Variants in GABRB2 observed in about 807,000 individuals in gnomAD.
GABRB2 encodes the protein gamma-aminobutyric acid type A receptor subunit beta2.
GABRB2 carries 16 observed loss-of-function variants against 54.7 expected under a neutral mutation model. The observed-to-expected ratio is 0.29, with a 90% CI of 0.20 to 0.44. GABRB2 has a LOEUF of 0.44. Ranked by LOEUF, GABRB2 falls within the 20% of genes least tolerant of loss-of-function variation. The pLI, the probability that GABRB2 is intolerant of heterozygous loss-of-function variation, is 1.00. For synonymous variants in GABRB2, 244 were observed against 233.8 expected, an observed-to-expected ratio of 1.04 and a Z score of -0.40; for missense variants, 355 against 644.0, an observed-to-expected ratio of 0.55 and a Z score of 4.86.
intron 3 of GABRB2, among the ~76,000 whole-genome samples, chr5:161,460,166 G>A (rs1216769212): frequency 6.6e-6 from 1 of 152,032 alleles, no homozygotes; most frequent in East Asian, 1.9e-4. Flanking sequence ...GGCTGGTCTC[G>A]AACTATTGAC....
At chr5:161,456,613 C>T (rs1225213421) in intron 4 of GABRB2, among the ~76,000 whole-genome samples, 1 of 152,106 alleles carries the variant, frequency 6.6e-6, no homozygotes, top group African/African-American at 2.4e-5. Flanking sequence ...ATTTTGTCAG[C>T]AAGTTCCCTC....
chr5:161,419,254 A>G (rs1023377629), intron 4 of GABRB2, among the ~76,000 whole-genome samples: 2 of 152,254 alleles, frequency 1.3e-5, no homozygotes, highest in African/African-American at 2.4e-5. Flanking sequence ...TAAAACCATA[A>G]TAAGATACCA....
At chr5:161,529,462 C>T (rs1478254355) in intron 3 of GABRB2, among the ~76,000 whole-genome samples, 3 of 151,956 alleles carry the variant, frequency 2.0e-5, no homozygotes, top group African/African-American at 7.2e-5. Context: ...GCCCAAATCC[C>T]AGCTCCAGCA....
At chr5:161,335,751 C>T (rs986785554) in intron 6 of GABRB2, among the ~76,000 whole-genome samples, 2 of 152,104 alleles carry the variant, frequency 1.3e-5, no homozygotes, top group Non-Finnish European at 2.9e-5. Flanking sequence ...TTTAGGAATT[C>T]AGCGGACCTC....
chr5:161,383,089 T>C (rs1755517599), intron 5 of GABRB2, among the ~76,000 whole-genome samples: 1 of 152,216 alleles, frequency 6.6e-6, no homozygotes, highest in African/African-American at 2.4e-5. Context: ...CAAGTAAAGA[T>C]TGCATATATT....
intron 5 of GABRB2, among the ~76,000 whole-genome samples, chr5:161,408,132 C>A (rs1580960101): frequency 6.6e-6 from 1 of 151,902 alleles, no homozygotes; most frequent in East Asian, 1.9e-4. Context: ...ATCCTTAATC[C>A]AAAAATCTGA....
chr5:161,307,647 G>A (rs1024807674), intron 9 of GABRB2, among the ~76,000 whole-genome samples: 36 of 152,028 alleles, frequency 2.4e-4, no homozygotes, highest in African/African-American at 8.5e-4. Flanking sequence ...TTGTAGGGAT[G>A]TTTTAAGACT....
At chr5:161,353,685 C>T (rs1754536336) in intron 5 of GABRB2, among the ~76,000 whole-genome samples, 1 of 151,964 alleles carries the variant, frequency 6.6e-6, no homozygotes, top group Non-Finnish European at 1.5e-5. Flanking sequence ...GATTTGGTAG[C>T]AGATAAGTCC....
At chr5:161,374,174 T>A (rs1755216805) in intron 5 of GABRB2, among the ~76,000 whole-genome samples, 1 of 151,932 alleles carries the variant, frequency 6.6e-6, no homozygotes, top group African/African-American at 2.4e-5. Flanking sequence ...GAACTCCTGA[T>A]CTCAGATGAT....
chr5:161,443,932 TAAG>T (rs1373774987), intron 4 of GABRB2, among the ~76,000 whole-genome samples: 1 of 152,196 alleles, frequency 6.6e-6, no homozygotes, highest in Non-Finnish European at 1.5e-5. Context: ...CTAAATTAGC[TAAG>T]AAGAGCCAAT....
intron 9 of GABRB2, among the ~76,000 whole-genome samples, chr5:161,315,416 A>G (rs965477791): frequency 1.3e-5 from 2 of 152,182 alleles, no homozygotes; most frequent in African/African-American, 4.8e-5. Context: ...TCCTGGGAGC[A>G]TGTTTCATCA....
chr5:161,487,298 T>G (rs78034861), intron 3 of GABRB2, among the ~76,000 whole-genome samples: 2,108 of 152,004 alleles, frequency 0.014, 61 homozygotes, highest in African/African-American at 0.049. Flanking sequence ...CACAGAGACC[T>G]TCAATACTTT....
intron 9 of GABRB2, among the ~76,000 whole-genome samples, chr5:161,324,089 A>G (rs922853700): frequency 2.4e-4 from 36 of 152,148 alleles, no homozygotes; most frequent in African/African-American, 8.5e-4. Context: ...GAATTATGGC[A>G]TGCACATTCA....
At chr5:161,444,091 G>T (rs368711229) in intron 4 of GABRB2, among the ~76,000 whole-genome samples, 3 of 152,084 alleles carry the variant, frequency 2.0e-5, no homozygotes, top group African/African-American at 7.2e-5. Flanking sequence ...TAATATTTGG[G>T]AAAAAATACT....
At chr5:161,426,295 A>T (rs561034544) in intron 4 of GABRB2, among the ~76,000 whole-genome samples, 6 of 152,242 alleles carry the variant, frequency 3.9e-5, no homozygotes, top group African/African-American at 1.4e-4. Flanking sequence ...CTCCCCAAAA[A>T]GCAATAAGTA....
intron 3 of GABRB2, among the ~76,000 whole-genome samples, chr5:161,543,437 A>G (rs927875319): frequency 6.6e-6 from 1 of 152,214 alleles, no homozygotes; most frequent in African/African-American, 2.4e-5. Flanking sequence ...TCTCATGATT[A>G]TCTCTTTGGG....
intron 3 of GABRB2, among the ~76,000 whole-genome samples, chr5:161,503,007 CCAA>C (rs1759496045): frequency 6.6e-6 from 1 of 152,056 alleles, no homozygotes; most frequent in African/African-American, 2.4e-5. Context: ...CACTGGACTT[CCAA>C]CAAGACAGAA....
intron 4 of GABRB2, chr5:161,459,367 C>T: frequency 2.0e-6 from 1 of 504,992 alleles, no homozygotes; most frequent in Admixed American, 3.2e-5. Flanking sequence ...TTCTTTATCC[C>T]TAGTCCTTAA....
intron 5 of GABRB2, among the ~76,000 whole-genome samples, chr5:161,394,332 CA>C (rs762144409): frequency 6.6e-5 from 10 of 151,452 alleles, no homozygotes; most frequent in Non-Finnish European, 1.0e-4. Flanking sequence ...AAAATAAATA[CA>C]AAGGAAGTGC....
Sources: allele counts gnomAD v4.1 joint callset (sites outside exome capture counted in the v4.1 genomes callset), GRCh38; gene constraint gnomAD v4.1.1; transcripts MANE v1.5; gene names NCBI Gene and HGNC (gene_info 2026-07-23, HGNC 2026-07-21).